PLA2G6: variants seen among roughly 807,000 people sequenced by gnomAD.
PLA2G6 encodes phospholipase A2 group VI, also known as 85/88 kDa calcium-independent phospholipase A2.
PLA2G6 carries 62 observed loss-of-function variants against 83.8 expected under a neutral mutation model. That is an observed-to-expected ratio of 0.74 (90% confidence interval 0.60 to 0.91). The LOEUF (loss-of-function observed/expected upper bound fraction) is 0.91. PLA2G6 is among the 40% of genes least tolerant of loss of function. The pLI, the probability that PLA2G6 is intolerant of heterozygous loss-of-function variation, is 0.00. For missense variants in PLA2G6, 944 were observed against 1,102.0 expected (o/e 0.86, Z 2.03); for synonymous variants, 417 against 449.8 (o/e 0.93, Z 0.92).
intron 2 of PLA2G6, among the ~76,000 whole-genome samples, chr22:38,162,223 G>GAA (rs1275564882): frequency 2.0e-5 from 2 of 99,458 alleles, no homozygotes; most frequent in Non-Finnish European, 4.2e-5. Context: ...AAAAAAAAAA[G>GAA]AAAAAAAAAA....
chr22:38,181,613 T>C (rs577662832), intron 1 of PLA2G6, 51 bp downstream of exon 1: 18 of 151,986 alleles, frequency 1.2e-4, no homozygotes, highest in Admixed American at 9.2e-4. Context: ...GATGAAAAGA[T>C]GGAAGGTGGG....
intron 2 of PLA2G6, among the ~76,000 whole-genome samples, chr22:38,159,043 A>T (rs902831285): frequency 3.7e-5 from 2 of 54,386 alleles, no homozygotes; most frequent in African/African-American, 1.7e-4. Context: ...TACTAAAAAT[A>T]AAAAAATTAG....
chr22:38,112,515 G>A lies in PLA2G6; in HGVS notation c.2265C>T (p.Ile755=). 6.4e-7 allele frequency: 1 copy of A among 1,555,818 alleles called. No homozygotes were observed. Among genetic ancestry groups the A allele is most frequent in the Non-Finnish European group, 8.7e-7 (1 of 1,150,894 alleles). The change falls in exon 16 of 17, where the codon ATC becomes ATT. Residue 755 remains isoleucine, a synonymous_variant. Transcript: ENST00000332509. ...GGCTGAGCCCTCACCTGAAGTACTG[G>A]ATGCCGACCATCTCGCACCAGGCCC... ...RARAWCEMVG[I]QYFRLNPQLG...
intron 10 of PLA2G6, among the ~76,000 whole-genome samples, chr22:38,124,218 G>A (rs929831094): frequency 1.3e-5 from 2 of 151,930 alleles, no homozygotes; most frequent in South Asian, 2.1e-4. Context: ...CACAGTTCAC[G>A]GCAGCCTCAA....
intron 13 of PLA2G6, 125 bp downstream of exon 13, chr22:38,115,950 C>T (rs1214542839): frequency 1.3e-6 from 2 of 1,481,694 alleles, no homozygotes; most frequent in African/African-American, 2.8e-5. Context: ...CCAATAAAGA[C>T]CAGTGCAGCG....
chr22:38,140,433 A>G (rs1216719263), intron 4 of PLA2G6: 4 of 433,086 alleles, frequency 9.2e-6, no homozygotes, highest in African/African-American at 4.0e-5. Flanking sequence ...GCTTGAACCC[A>G]GGAGGCAGAG....
At chr22:38,164,424 C>G (rs1428355789) in intron 2 of PLA2G6, among the ~76,000 whole-genome samples, 2 of 152,224 alleles carry the variant, frequency 1.3e-5, no homozygotes, top group Non-Finnish European at 2.9e-5. Flanking sequence ...AGTAATGACC[C>G]CACCTCGTGG....
At chr22:38,167,725 T>A (rs2090275181) in intron 2 of PLA2G6, among the ~76,000 whole-genome samples, 1 of 152,214 alleles carries the variant, frequency 6.6e-6, no homozygotes, top group African/African-American at 2.4e-5. Flanking sequence ...CTGCCTCAGG[T>A]TCCTTGTGGA....
intron 15 of PLA2G6, 66 bp downstream of exon 15, chr22:38,113,421 G>A (rs1056561701): frequency 2.0e-6 from 3 of 1,496,526 alleles, no homozygotes; most frequent in Non-Finnish European, 2.8e-6. Context: ...CACAGGATGA[G>A]GGGAAGCCAT....
chr22:38,118,035 CAAA>C (rs200489859), intron 12 of PLA2G6, among the ~76,000 whole-genome samples: 12 of 109,842 alleles, frequency 1.1e-4, no homozygotes, highest in South Asian at 2.8e-4. Context: ...GACTCCATCT[CAAA>C]AAAAAAAAAA....
intron 2 of PLA2G6, chr22:38,167,769 GC>G (rs1569298441): frequency 6.4e-6 from 1 of 155,090 alleles, no homozygotes; most frequent in Non-Finnish European, 1.5e-5. Flanking sequence ...ATTGGATGGG[GC>G]CCTGATACCT....
At chr22:38,122,405 T>C (rs2087576965) in intron 11 of PLA2G6, among the ~76,000 whole-genome samples, 1 of 151,974 alleles carries the variant, frequency 6.6e-6, no homozygotes, top group Admixed American at 6.5e-5. Context: ...TGTCAGCACC[T>C]AGAAGCTCAG....
chr22:38,122,969 C>T (rs2087608785), intron 11 of PLA2G6, 126 bp downstream of exon 11: 2 of 954,522 alleles, frequency 2.1e-6, no homozygotes, highest in Non-Finnish European at 1.6e-6. Context: ...CCCCTGCCTC[C>T]TCAAAGTGCT....
chr22:38,137,658 AC>A (rs1370263838), intron 5 of PLA2G6: 1 of 152,062 alleles, frequency 6.6e-6, no homozygotes, highest in Non-Finnish European at 1.5e-5. Context: ...ACATGATGAA[AC>A]CCCATCTCTA....
At chr22:38,116,326 T>A in intron 12 of PLA2G6, 115 bp from the exon 13 acceptor site, 1 of 1,154,022 alleles carries the variant, frequency 8.7e-7, no homozygotes, top group South Asian at 1.3e-5. Flanking sequence ...CAACCTCTGT[T>A]CGGGATAGGT....
At chr22:38,125,537 G>A in intron 10 of PLA2G6, 1 of 365,928 alleles carries the variant, frequency 2.7e-6, no homozygotes. Context: ...CAGAGGGCTG[G>A]CACTAGGTAT....
intron 8 of PLA2G6, among the ~76,000 whole-genome samples, chr22:38,129,180 C>A (rs1281225460): frequency 6.6e-6 from 1 of 152,230 alleles, no homozygotes; most frequent in Admixed American, 6.5e-5. Context: ...CTGTCCCCAC[C>A]CCTGCTGGGA....
At chr22:38,159,099 C>CA (rs1264457879) in intron 2 of PLA2G6, among the ~76,000 whole-genome samples, 3 of 151,938 alleles carry the variant, frequency 2.0e-5, no homozygotes, top group African/African-American at 7.2e-5. Context: ...CTCAGGTTTT[C>CA]AAAAAATAAA....
At chr22:38,113,441 C>A (rs1436892710) in intron 15 of PLA2G6, 46 bp downstream of exon 15, 1 of 1,593,490 alleles carries the variant, frequency 6.3e-7, no homozygotes, top group Non-Finnish European at 8.6e-7. Flanking sequence ...TCGACCTGGG[C>A]TACAGACCCT....
Sources: gnomAD v4.1 joint callset for allele counts (sites outside exome capture counted in the v4.1 genomes callset) on GRCh38, gnomAD v4.1.1 for gene constraint, MANE v1.5 for transcripts, NCBI Gene and HGNC (gene_info 2026-07-23, HGNC 2026-07-21) for gene names.